Variants in CDH12 observed in about 807,000 individuals in gnomAD.
The protein encoded by CDH12 is cadherin 12, also known as cadherin-12.
Under a neutral mutation model 74.1 loss-of-function variants are expected in CDH12, and 41 were observed. The ratio of observed to expected loss-of-function variants is 0.55; its 90% confidence interval spans 0.43 to 0.72. CDH12 has a LOEUF of 0.72. Among genes scored for constraint, CDH12 ranks in the 30% least tolerant of loss-of-function variants. The pLI, the probability that CDH12 is intolerant of heterozygous loss-of-function variation, is 0.00. For missense variants in CDH12, 945 were observed against 977.2 expected (o/e 0.97, Z 0.44); for synonymous variants, 399 against 355.0 (o/e 1.12, Z -1.39).
At chr5:22,824,639 T>C (rs1267100476) in intron 1 of CDH12, among the ~76,000 whole-genome samples, 3 of 151,684 alleles carry the variant, frequency 2.0e-5, no homozygotes, top group African/African-American at 7.3e-5. Context: ...AATTCTAAAG[T>C]ACAGCAACCA....
At chr5:22,120,800 C>A (rs1386785597) in intron 4 of CDH12, among the ~76,000 whole-genome samples, 2 of 152,074 alleles carry the variant, frequency 1.3e-5, no homozygotes, top group African/African-American at 4.8e-5. Context: ...GAAGGCAAAG[C>A]ATTAATTTCT....
At chr5:22,540,049 G>A (rs1011547360) in intron 1 of CDH12, among the ~76,000 whole-genome samples, 2 of 152,002 alleles carry the variant, frequency 1.3e-5, no homozygotes, top group African/African-American at 4.8e-5. Context: ...GTGATTTCTT[G>A]TTTTTAAGCC....
intron 1 of CDH12, among the ~76,000 whole-genome samples, chr5:22,770,409 A>G (rs1427287179): frequency 6.6e-6 from 1 of 152,096 alleles, no homozygotes; most frequent in Non-Finnish European, 1.5e-5. Context: ...GAATCTATAT[A>G]TTTATTTTAG....
At chr5:22,243,425 A>C (rs1752817540) in intron 3 of CDH12, among the ~76,000 whole-genome samples, 1 of 152,128 alleles carries the variant, frequency 6.6e-6, no homozygotes, top group South Asian at 2.1e-4. Context: ...AGTTAGGTGC[A>C]TGTGAAAGAG....
At chr5:21,752,319 G>A (rs1337755029) in intron 14 of CDH12, 83 bp from the exon 15 acceptor site, 16 of 1,290,876 alleles carry the variant, frequency 1.2e-5, no homozygotes, top group East Asian at 9.3e-5. Flanking sequence ...AAATGATTAG[G>A]GGTGGCTGAG....
intron 1 of CDH12, among the ~76,000 whole-genome samples, chr5:22,684,963 G>T (rs1741682261): frequency 6.6e-6 from 1 of 152,098 alleles, no homozygotes; most frequent in Admixed American, 6.6e-5. Flanking sequence ...GGCTCAGAAA[G>T]TCAAGTGCAA....
chr5:22,613,447 G>A (rs10054830), intron 1 of CDH12, among the ~76,000 whole-genome samples: 21,817 of 151,920 alleles, frequency 0.14, 2,091 homozygotes, highest in Admixed American at 0.33. Flanking sequence ...GCAGGCTTTC[G>A]GAGCTACATT....
At chr5:22,301,696 A>G (rs147296285) in intron 3 of CDH12, among the ~76,000 whole-genome samples, 209 of 152,004 alleles carry the variant, frequency 1.4e-3, no homozygotes, top group African/African-American at 4.9e-3. Context: ...CAGCGGCTTG[A>G]TCTTGGCTCA....
intron 4 of CDH12, among the ~76,000 whole-genome samples, chr5:22,148,973 C>T (rs1166284968): frequency 1.3e-5 from 2 of 152,106 alleles, no homozygotes; most frequent in Non-Finnish European, 2.9e-5. Flanking sequence ...CAAAAATTAG[C>T]TGACCGTGGT....
intron 1 of CDH12, among the ~76,000 whole-genome samples, chr5:22,767,872 TA>T (rs1238094961): frequency 6.6e-6 from 1 of 152,024 alleles, no homozygotes; most frequent in Admixed American, 6.6e-5. Flanking sequence ...TCCTCATTTT[TA>T]AAGGCAGCAT....
At chr5:22,396,764 A>G (rs530193185) in intron 3 of CDH12, among the ~76,000 whole-genome samples, 2 of 152,106 alleles carry the variant, frequency 1.3e-5, no homozygotes, top group Non-Finnish European at 2.9e-5. Context: ...TCAGCATTTC[A>G]GCAAGTTGGT....
intron 1 of CDH12, among the ~76,000 whole-genome samples, chr5:22,576,784 A>G (rs1461729391): frequency 6.6e-6 from 1 of 151,990 alleles, no homozygotes; most frequent in African/African-American, 2.4e-5. Context: ...AGAGAGAGAG[A>G]GATACTGGAA....
chr5:21,998,871 C>CA (rs1207572897), intron 5 of CDH12, among the ~76,000 whole-genome samples: 1 of 152,032 alleles, frequency 6.6e-6, no homozygotes, highest in Non-Finnish European at 1.5e-5. Flanking sequence ...TTTCTTCCTT[C>CA]AAAATGAGGC....
chr5:22,691,092 T>C (rs1037611225), intron 1 of CDH12, among the ~76,000 whole-genome samples: 6 of 152,176 alleles, frequency 3.9e-5, no homozygotes. Context: ...TGCTCATCTA[T>C]AACTTGCAGG....
At chr5:22,003,509 C>T (rs1049887129) in intron 5 of CDH12, among the ~76,000 whole-genome samples, 10 of 152,268 alleles carry the variant, frequency 6.6e-5, no homozygotes, top group African/African-American at 2.4e-4. Context: ...TCAGAGTAAA[C>T]ATTGTTAATG....
rs549123008 is a variant in CDH12, at chr5:22,783,335, T to C, written c.-523+69723A>G. ...TTGCATCCTGAGGTAAAGGCAAAGC[T>C]GTGAGATGAATGGTAATGAGTTCAG... On this transcript the variant is annotated intron_variant, in intron 1 of 14. Coordinates refer to ENST00000382254, the MANE Select transcript of CDH12 (RefSeq NM_004061.5). Among the ~76,000 whole-genome samples, 7 of 152,264 alleles carry C rather than the reference T, an allele frequency of 4.6e-5. No individual in the cohort carries two copies. In the East Asian group the frequency reaches 1.4e-3, roughly 29 times the overall value.
chr5:22,057,868 A>T (rs1740850572), intron 5 of CDH12, among the ~76,000 whole-genome samples: 1 of 152,304 alleles, frequency 6.6e-6, no homozygotes. Flanking sequence ...TCTCCAGAGA[A>T]CCAAAGGGTA....
At chr5:22,049,189 T>C (rs916513825) in intron 5 of CDH12, among the ~76,000 whole-genome samples, 2 of 152,106 alleles carry the variant, frequency 1.3e-5, no homozygotes, top group African/African-American at 2.4e-5. Flanking sequence ...GGTGTTGATA[T>C]ATACATATGC....
intron 3 of CDH12, among the ~76,000 whole-genome samples, chr5:22,218,339 T>G (rs1394087837): frequency 6.6e-6 from 1 of 151,636 alleles, no homozygotes; most frequent in Non-Finnish European, 1.5e-5. Flanking sequence ...GAAAAAAAAG[T>G]CCGTCAACAG....
Sources: allele counts gnomAD v4.1 joint callset (sites outside exome capture counted in the v4.1 genomes callset), GRCh38; gene constraint gnomAD v4.1.1; transcripts MANE v1.5; gene names NCBI Gene and HGNC (gene_info 2026-07-23, HGNC 2026-07-21).